The following MAN1A2 variants were observed in gnomAD, a reference collection of about 807,000 sequenced individuals.
The protein encoded by MAN1A2 is mannosidase alpha class 1A member 2, also known as mannosyl-oligosaccharide 1,2-alpha-mannosidase IB.
A neutral mutation model predicts 75.7 loss-of-function variants in MAN1A2; 26 were observed. The observed-to-expected ratio is 0.34, with a 90% CI of 0.25 to 0.48. The LOEUF is 0.48. MAN1A2 is among the 20% of genes least tolerant of loss of function. MAN1A2 has a pLI of 0.99. For missense variants in MAN1A2, 562 were observed against 775.5 expected (o/e 0.72, Z 3.27); for synonymous variants, 247 against 264.6 (o/e 0.93, Z 0.65).
At chr1:117,516,129 A>G (rs962747036) in intron 12 of MAN1A2, among the ~76,000 whole-genome samples, 6 of 152,108 alleles carry the variant, frequency 3.9e-5, no homozygotes, top group African/African-American at 1.4e-4. Flanking sequence ...ATTAATTGCA[A>G]AATCACATTT....
Position 117,415,685 on chromosome 1 carries a change from A to G in MAN1A2, c.774+854A>G, listed in dbSNP as rs374984577. Among the ~76,000 whole-genome samples the G allele has an allele frequency of 4.6e-5, 7 of 152,202 alleles. No homozygotes were observed. The East Asian group carries it at 7.7e-4, about 17-fold the overall frequency. Reference sequence around the variant, plus strand: ...ATTTATTTTTTTTTCATGTAAATCAAGTACAGAGTTAAGCAGTTCAGGGCT... The same window carrying G: ...ATTTATTTTTTTTTCATGTAAATCAGGTACAGAGTTAAGCAGTTCAGGGCT... On this transcript the variant is annotated intron_variant, in intron 4 of 12. Coordinates refer to ENST00000356554, the MANE Select transcript of MAN1A2 (RefSeq NM_006699.5).
chr1:117,410,558 T>C (rs1647773804), intron 3 of MAN1A2, among the ~76,000 whole-genome samples: 1 of 150,936 alleles, frequency 6.6e-6, no homozygotes, highest in African/African-American at 2.4e-5. Context: ...GTGTCTACCC[T>C]CTCACTTTTA....
At chr1:117,514,773 G>A (rs927830708) in intron 12 of MAN1A2, 35 of 525,462 alleles carry the variant, frequency 6.7e-5, no homozygotes, top group African/African-American at 5.8e-5. Flanking sequence ...GGGAAAAAAC[G>A]GTTAGAGAAG....
chr1:117,497,913 T>G (rs1042044779), intron 10 of MAN1A2, among the ~76,000 whole-genome samples: 6 of 151,966 alleles, frequency 3.9e-5, no homozygotes, highest in Non-Finnish European at 8.8e-5. Flanking sequence ...TAACAATTTC[T>G]GTTTTAGGGT....
rs1382724369 is a variant in MAN1A2 at position 117,443,408 on chromosome 1, A to G, written c.950+1083A>G. ...CAAGCTCCATGGAAGGATATGGCCAAGTGATGTTGTGTATACGCTTGTTCT... is the reference window on the plus strand; with the variant it reads ...CAAGCTCCATGGAAGGATATGGCCAGGTGATGTTGTGTATACGCTTGTTCT... On this transcript the variant is annotated intron_variant, in intron 6 of 12. Coordinates refer to ENST00000356554, the MANE Select transcript of MAN1A2 (RefSeq NM_006699.5). Among the ~76,000 whole-genome samples, 3 of 152,280 alleles carry G rather than the reference A, an allele frequency of 2.0e-5. No individual in the cohort carries two copies. The South Asian group carries it at 6.2e-4, about 32-fold the overall frequency.
At chr1:117,477,484 TA>T (rs1317698892) in intron 8 of MAN1A2, among the ~76,000 whole-genome samples, 3 of 152,012 alleles carry the variant, frequency 2.0e-5, no homozygotes, top group African/African-American at 7.2e-5. Context: ...TGGTTCAGCA[TA>T]CACAAATCAA....
chr1:117,492,421 A>T (rs776694243), intron 8 of MAN1A2, among the ~76,000 whole-genome samples: 1 of 152,108 alleles, frequency 6.6e-6, no homozygotes, highest in Non-Finnish European at 1.5e-5. Flanking sequence ...TTAAGATTTG[A>T]ACATTGTTTA....
intron 6 of MAN1A2, among the ~76,000 whole-genome samples, chr1:117,450,742 G>A (rs1175824769): frequency 6.6e-6 from 1 of 152,198 alleles, no homozygotes; most frequent in East Asian, 1.9e-4. Flanking sequence ...TTCAGAGGGT[G>A]CAAGCCTCAA....
intron 1 of MAN1A2, among the ~76,000 whole-genome samples, chr1:117,400,981 C>A (rs752285600): frequency 1.3e-5 from 2 of 152,068 alleles, no homozygotes; most frequent in Non-Finnish European, 1.5e-5. Context: ...ATCTTGCAAA[C>A]CTGAAACTCT....
chr1:117,433,048 TTAAC>T (rs922778896), intron 5 of MAN1A2, among the ~76,000 whole-genome samples: 1 of 151,486 alleles, frequency 6.6e-6, no homozygotes, highest in African/African-American at 2.4e-5. Context: ...ATCATATTAA[TTAAC>T]AATAAAGGAG....
intron 1 of MAN1A2, among the ~76,000 whole-genome samples, chr1:117,380,469 A>G (rs377417029): frequency 1.1e-4 from 17 of 152,252 alleles, no homozygotes; most frequent in African/African-American, 3.6e-4. Context: ...AGTTTTTTCC[A>G]TAAGATTTTT....
At chr1:117,416,993 A>G (rs1373788043) in intron 4 of MAN1A2, among the ~76,000 whole-genome samples, 1 of 152,186 alleles carries the variant, frequency 6.6e-6, no homozygotes, top group Middle Eastern at 3.2e-3. Context: ...CTGGTGAGAC[A>G]CTATCAGAAA....
At chr1:117,380,391 G>A (rs1653291465) in intron 1 of MAN1A2, among the ~76,000 whole-genome samples, 2 of 152,078 alleles carry the variant, frequency 1.3e-5, no homozygotes, top group Non-Finnish European at 2.9e-5. Flanking sequence ...GTTTTCTTTT[G>A]TTGCTTGTGC....
chr1:117,522,983 A>G lies in MAN1A2; in HGVS notation c.*26A>G. On this transcript the variant is annotated 3_prime_UTR_variant, in exon 13 of 13. Transcript: ENST00000356554. ...AAGCAGTTCCAGAAGGACCATTCTC[A>G]CCTGTGTTTTGTTTACATGGACCAC... The G allele has an allele frequency of 6.2e-7, 1 of 1,608,176 alleles. No homozygotes were observed. The highest frequency in any genetic ancestry group is 8.5e-7 in the Non-Finnish European group (1 of 1,177,446).
chr1:117,439,558 A>G (rs1035961532), intron 5 of MAN1A2, among the ~76,000 whole-genome samples: 1 of 151,232 alleles, frequency 6.6e-6, no homozygotes, highest in Non-Finnish European at 1.5e-5. Flanking sequence ...CAGTGGCGTG[A>G]TCTCGGTTCA....
At chr1:117,422,216 C>T (rs1285648593) in intron 5 of MAN1A2, among the ~76,000 whole-genome samples, 1 of 152,040 alleles carries the variant, frequency 6.6e-6, no homozygotes, top group African/African-American at 2.4e-5. Context: ...TATCCCATTG[C>T]CAGCCCCTGA....
chr1:117,479,681 T>C (rs1570777791), intron 8 of MAN1A2, among the ~76,000 whole-genome samples: 1 of 152,008 alleles, frequency 6.6e-6, no homozygotes, highest in South Asian at 2.1e-4. Context: ...TGATTTGCAT[T>C]TCTCTAATGA....
intron 3 of MAN1A2, 36 bp downstream of exon 3, chr1:117,405,681 C>A: frequency 9.0e-7 from 1 of 1,113,234 alleles, no homozygotes; most frequent in Non-Finnish European, 1.4e-6. Context: ...TTTCCATTTT[C>A]TACCTCCATC....
intron 3 of MAN1A2, among the ~76,000 whole-genome samples, chr1:117,407,313 C>T (rs1163050869): frequency 6.6e-6 from 1 of 152,020 alleles, no homozygotes. Context: ...TTGTTTCCTA[C>T]TTACTCTGTT....
Sources: allele counts gnomAD v4.1 joint callset (sites outside exome capture counted in the v4.1 genomes callset), GRCh38; gene constraint gnomAD v4.1.1; transcripts MANE v1.5; gene names NCBI Gene and HGNC (gene_info 2026-07-23, HGNC 2026-07-21).